TXNRD1: variants seen among roughly 807,000 people sequenced by gnomAD.
The protein encoded by TXNRD1 is thioredoxin reductase 1, cytoplasmic.
In TXNRD1, 57 loss-of-function variants were observed where a neutral mutation model predicts 80.3. The observed-to-expected ratio is 0.71, with a 90% CI of 0.57 to 0.89. The LOEUF is 0.89. Ranked by LOEUF, TXNRD1 falls within the 40% of genes least tolerant of loss-of-function variation. The probability of loss-of-function intolerance (pLI) is 0.00; values close to 1 mark genes in which losing one functional copy is unlikely to be tolerated. For missense variants in TXNRD1, 730 were observed against 803.0 expected, an observed-to-expected ratio of 0.91 and a Z score of 1.10; for synonymous variants, 291 against 285.2, an observed-to-expected ratio of 1.02 and a Z score of -0.20.
intron 3 of TXNRD1, chr12:104,265,916 ATCTGGCTGGAC>A: frequency 1.2e-6 from 1 of 816,354 alleles, no homozygotes; most frequent in Non-Finnish European, 1.9e-6. Flanking sequence ...AAAAAAAGTG[ATCTGGCTGGAC>A]AAACTGAGCC....
intron 3 of TXNRD1, chr12:104,286,738 T>C (rs539050314): frequency 1.6e-5 from 16 of 1,016,358 alleles, no homozygotes; most frequent in Middle Eastern, 5.0e-4. Flanking sequence ...CCTTAGGGCA[T>C]AGTCTAATTT....
chr12:104,226,067 G>A (rs2032466653), intron 1 of TXNRD1, among the ~76,000 whole-genome samples: 1 of 152,056 alleles, frequency 6.6e-6, no homozygotes, highest in Admixed American at 6.6e-5. Flanking sequence ...TGGGCGTGTG[G>A]TGGGCACCTG....
chr12:104,339,052 C>G, intron 15 of TXNRD1, 87 bp from the exon 16 acceptor site: 1 of 1,524,728 alleles, frequency 6.6e-7, no homozygotes, highest in African/African-American at 1.4e-5. Context: ...TTTTAAGAAA[C>G]AGACTGGAGA....
intron 4 of TXNRD1, among the ~76,000 whole-genome samples, chr12:104,292,857 C>A (rs552727707): frequency 2.6e-5 from 4 of 152,120 alleles, no homozygotes; most frequent in African/African-American, 9.7e-5. Context: ...GTCTTTAATA[C>A]CCAAAACATA....
At chr12:104,299,539 C>T (rs1202445330) in intron 4 of TXNRD1, among the ~76,000 whole-genome samples, 2 of 152,072 alleles carry the variant, frequency 1.3e-5, no homozygotes, top group Admixed American at 6.5e-5. Flanking sequence ...GAGGCTGAGG[C>T]GGGCGGATCA....
At chr12:104,314,738 C>CTT (rs11330431) in intron 6 of TXNRD1, among the ~76,000 whole-genome samples, 217 of 103,640 alleles carry the variant, frequency 2.1e-3, no homozygotes, top group Non-Finnish European at 2.5e-3. Flanking sequence ...AAATTTTTTT[C>CTT]TTTTTTTTTT....
At chr12:104,258,794 G>A (rs536477757) in intron 3 of TXNRD1, among the ~76,000 whole-genome samples, 1 of 152,322 alleles carries the variant, frequency 6.6e-6, no homozygotes, top group East Asian at 1.9e-4. Flanking sequence ...ACCAGGCACA[G>A]TGGCATGAGC....
chr12:104,297,833 C>T (rs2034486492), intron 4 of TXNRD1, among the ~76,000 whole-genome samples: 1 of 152,066 alleles, frequency 6.6e-6, no homozygotes, highest in South Asian at 2.1e-4. Flanking sequence ...AGCCACATAC[C>T]CAGTCCTTCT....
At chr12:104,254,645 ATATATAT>A (rs375695872) in intron 2 of TXNRD1, among the ~76,000 whole-genome samples, 22 of 88,166 alleles carry the variant, frequency 2.5e-4, no homozygotes, top group Admixed American at 5.3e-4. Context: ...AAAAAAAAAA[ATATATAT>A]ATATATATAT....
chr12:104,227,261 T>C (rs1051201783), intron 1 of TXNRD1, among the ~76,000 whole-genome samples: 1 of 152,044 alleles, frequency 6.6e-6, no homozygotes, highest in African/African-American at 2.4e-5. Flanking sequence ...TATTATTTAT[T>C]TTAATTTATT....
At chr12:104,288,842 G>C (rs537246446) in intron 3 of TXNRD1, 89 bp from the exon 4 acceptor site, 1 of 1,610,828 alleles carries the variant, frequency 6.2e-7, no homozygotes, top group Non-Finnish European at 8.5e-7. Context: ...CTGCGGGGCC[G>C]GGACGGAAGC....
chr12:104,273,695 C>T (rs143500227), intron 3 of TXNRD1, among the ~76,000 whole-genome samples: 5 of 152,356 alleles, frequency 3.3e-5, no homozygotes, highest in East Asian at 3.9e-4. Flanking sequence ...CCCCGACCTG[C>T]GCGTGGCAGC....
At chr12:104,303,217 T>C (rs377294132) in intron 4 of TXNRD1, among the ~76,000 whole-genome samples, 1 of 152,162 alleles carries the variant, frequency 6.6e-6, no homozygotes, top group Non-Finnish European at 1.5e-5. Flanking sequence ...AGGATGGGTA[T>C]TGGAGGGGGC....
rs1284700293 is a variant in TXNRD1, at chr12:104,345,958, G to A, written c.1882-2395G>A. 9 of 1,288,430 alleles carry A rather than the reference G, an allele frequency of 7.0e-6. No homozygotes were observed. In the East Asian group the frequency reaches 5.0e-4, roughly 71 times the overall value. 79.8% of individuals were successfully genotyped at this position (1,288,430 alleles called of 1,614,324 possible). A position where few individuals can be genotyped will look rare whatever the true frequency, so the allele number is the denominator to read the frequency against. Reference sequence around the variant, plus strand: ...TTCTGCTCATTTTTTAAAAATACATGTTTTTATAAAAATTCTAAAACAGTT... The same window carrying A: ...TTCTGCTCATTTTTTAAAAATACATATTTTTATAAAAATTCTAAAACAGTT... On this transcript the variant is annotated intron_variant, in intron 16 of 16. Coordinates refer to ENST00000525566, the MANE Select transcript of TXNRD1 (RefSeq NM_001093771.3).
intron 1 of TXNRD1, among the ~76,000 whole-genome samples, chr12:104,247,307 A>G (rs2033016227): frequency 6.6e-6 from 1 of 152,106 alleles, no homozygotes; most frequent in Admixed American, 6.6e-5. Context: ...ACCTCAGGCA[A>G]TCTGCCTGCC....
chr12:104,276,017 G>A (rs1222978831), intron 3 of TXNRD1, among the ~76,000 whole-genome samples: 2 of 152,174 alleles, frequency 1.3e-5, no homozygotes, highest in Non-Finnish European at 2.9e-5. Flanking sequence ...GAAAAGCCAG[G>A]TTACGTGATT....
chr12:104,219,219 C>A (rs1227779558), intron 1 of TXNRD1, among the ~76,000 whole-genome samples: 2 of 152,226 alleles, frequency 1.3e-5, no homozygotes, highest in East Asian at 3.9e-4. Flanking sequence ...GTATACTGCA[C>A]CAGGCCCATA....
At chr12:104,222,622 G>A (rs1459040477) in intron 1 of TXNRD1, among the ~76,000 whole-genome samples, 1 of 152,166 alleles carries the variant, frequency 6.6e-6, no homozygotes, top group African/African-American at 2.4e-5. Flanking sequence ...GGAGACTGAG[G>A]CAGGCAGATC....
At position 104,228,727 on chromosome 12, in the gene TXNRD1, CT is replaced by C. The variant is rs1048189148; in HGVS notation, c.91+12844del. Among the ~76,000 whole-genome samples, 55 of 149,680 alleles carry C rather than the reference CT, an allele frequency of 3.7e-4. 1 individual carries two copies. Among genetic ancestry groups the C allele is most frequent in the African/African-American group, 1.2e-3 (51 of 40,948 alleles). ...ATTGAATTTGAGAACATTTTCTTTT[CT>C]TTTTTTTTTGAGACGGAGTCTCGCT... is the stretch of plus-strand genomic sequence containing the variant. On this transcript the variant is annotated intron_variant, in intron 1 of 16. Coordinates refer to ENST00000525566, the MANE Select transcript of TXNRD1 (RefSeq NM_001093771.3).
Sources: allele counts gnomAD v4.1 joint callset (sites outside exome capture counted in the v4.1 genomes callset), GRCh38; gene constraint gnomAD v4.1.1; transcripts MANE v1.5; gene names NCBI Gene and HGNC (gene_info 2026-07-23, HGNC 2026-07-21).